The following IGSF11 variants were observed in gnomAD, a reference collection of about 807,000 sequenced individuals.
IGSF11 encodes the protein immunoglobulin superfamily member 11, also known as CXADR like 1.
IGSF11 carries 22 observed loss-of-function variants against 41.0 expected under a neutral mutation model. That is an observed-to-expected ratio of 0.54 (90% CI 0.38 to 0.77). The LOEUF is 0.77. Among genes scored for constraint, IGSF11 ranks in the 30% least tolerant of loss-of-function variants. The pLI, the probability that IGSF11 is intolerant of heterozygous loss-of-function variation, is 0.00. For synonymous variants in IGSF11, 219 were observed against 201.3 expected, an observed-to-expected ratio of 1.09 and a Z score of -0.74; for missense variants, 444 against 530.8, an observed-to-expected ratio of 0.84 and a Z score of 1.61.
chr3:119,131,771 G>C (rs1287695690), intron 1 of IGSF11, among the ~76,000 whole-genome samples: 2 of 152,170 alleles, frequency 1.3e-5, no homozygotes, highest in Non-Finnish European at 2.9e-5. Context: ...AGGTTGAAAT[G>C]AAGGGAAAAA....
chr3:119,104,546 T>C (rs1167060370), intron 1 of IGSF11, among the ~76,000 whole-genome samples: 3 of 152,202 alleles, frequency 2.0e-5, no homozygotes, highest in South Asian at 2.1e-4. Context: ...AATTTCTATG[T>C]ATTAACTCAT....
At chr3:118,981,679 C>T (rs953762629) in intron 1 of IGSF11, 1 of 152,430 alleles carries the variant, frequency 6.6e-6, no homozygotes, top group Non-Finnish European at 1.5e-5. Context: ...ACACCCCATA[C>T]ATACTGTGCA....
chr3:118,932,433 A>G (rs1559918727), intron 1 of IGSF11, among the ~76,000 whole-genome samples: 1 of 152,238 alleles, frequency 6.6e-6, no homozygotes, highest in African/African-American at 2.4e-5. Context: ...CATGTTCTTC[A>G]CGTATAGTCT....
chr3:118,986,574 A>C (rs1347516846), intron 1 of IGSF11, among the ~76,000 whole-genome samples: 3 of 152,234 alleles, frequency 2.0e-5, no homozygotes, highest in African/African-American at 7.2e-5. Flanking sequence ...TCAGCAGTGC[A>C]TGGTGCCAAG....
At chr3:118,936,387 G>T (rs1349537844) in intron 1 of IGSF11, among the ~76,000 whole-genome samples, 2 of 151,476 alleles carry the variant, frequency 1.3e-5, no homozygotes, top group African/African-American at 4.8e-5. Context: ...GGTGCCTGTA[G>T]TCCCAGCTAC....
intron 1 of IGSF11, among the ~76,000 whole-genome samples, chr3:119,143,504 A>G (rs946763533): frequency 6.6e-6 from 1 of 152,170 alleles, no homozygotes; most frequent in Admixed American, 6.5e-5. Flanking sequence ...AGGAATCAAC[A>G]TGATACACTA....
At chr3:119,005,118 C>G (rs547670103) in intron 1 of IGSF11, among the ~76,000 whole-genome samples, 1 of 148,094 alleles carries the variant, frequency 6.8e-6, no homozygotes. Flanking sequence ...GTAGGTCACT[C>G]AGGACTTGCT....
intron 1 of IGSF11, among the ~76,000 whole-genome samples, chr3:118,935,432 G>GTC (rs1042562433): frequency 2.1e-5 from 3 of 141,908 alleles, no homozygotes; most frequent in Non-Finnish European, 4.6e-5. Context: ...ATACATATAC[G>GTC]TATGTATATG....
intron 1 of IGSF11, among the ~76,000 whole-genome samples, chr3:118,933,732 G>A (rs1349109141): frequency 6.6e-6 from 1 of 152,218 alleles, no homozygotes; most frequent in Non-Finnish European, 1.5e-5. Flanking sequence ...TGTGTTTGCT[G>A]TTATTATTAT....
chr3:119,126,344 C>A (rs1009444656), intron 1 of IGSF11, among the ~76,000 whole-genome samples: 14 of 152,216 alleles, frequency 9.2e-5, no homozygotes, highest in Admixed American at 8.5e-4. Context: ...GTAACTCCAG[C>A]CAGAGGCTCA....
chr3:118,985,389 AAAGAC>A (rs1935151025), intron 1 of IGSF11, among the ~76,000 whole-genome samples: 1 of 152,176 alleles, frequency 6.6e-6, no homozygotes, highest in Non-Finnish European at 1.5e-5. Flanking sequence ...GTCACAATGC[AAAGAC>A]AAGGGGATCA....
At chr3:118,951,147 A>T (rs1159457215) in intron 1 of IGSF11, among the ~76,000 whole-genome samples, 1 of 152,232 alleles carries the variant, frequency 6.6e-6, no homozygotes, top group Non-Finnish European at 1.5e-5. Context: ...AATGTGACTG[A>T]GGAACTGAAT....
intron 4 of IGSF11, among the ~76,000 whole-genome samples, chr3:118,906,018 T>C (rs1026846896): frequency 4.6e-5 from 7 of 152,202 alleles, no homozygotes; most frequent in Admixed American, 2.0e-4. Context: ...TGGTAGCTAA[T>C]ACTTATCCTA....
chr3:119,011,879 A>T (rs577531184), intron 1 of IGSF11, among the ~76,000 whole-genome samples: 38 of 152,334 alleles, frequency 2.5e-4, no homozygotes, highest in African/African-American at 9.1e-4. Context: ...AATCCTCTAA[A>T]AAAAGGCTAA....
chr3:118,923,139 C>A (rs977436257), intron 4 of IGSF11, among the ~76,000 whole-genome samples: 2 of 152,114 alleles, frequency 1.3e-5, no homozygotes, highest in African/African-American at 4.8e-5. Flanking sequence ...CTTTTCTGAG[C>A]CTTGGGGAAC....
intron 1 of IGSF11, among the ~76,000 whole-genome samples, chr3:118,980,192 GA>G (rs1299530959): frequency 6.6e-6 from 1 of 152,144 alleles, no homozygotes; most frequent in African/African-American, 2.4e-5. Flanking sequence ...CAAAGGAAAA[GA>G]AATCAGTCTT....
intron 1 of IGSF11, among the ~76,000 whole-genome samples, chr3:118,949,849 G>A (rs776121426): frequency 1.2e-4 from 19 of 152,296 alleles, no homozygotes; most frequent in Admixed American, 3.3e-4. Flanking sequence ...GCTGTTCCAG[G>A]TAGATCAAAA....
intron 4 of IGSF11, among the ~76,000 whole-genome samples, chr3:118,914,922 C>T (rs1452064917): frequency 1.4e-5 from 2 of 139,544 alleles, no homozygotes; most frequent in Non-Finnish European, 3.1e-5. Context: ...AACGGGCAGA[C>T]TGCCTCCTCA....
intron 1 of IGSF11, among the ~76,000 whole-genome samples, chr3:119,042,788 T>C (rs1941170448): frequency 6.6e-6 from 1 of 152,124 alleles, no homozygotes. Flanking sequence ...AGGGCAAGAT[T>C]ATATACCCCT....
Sources: allele counts gnomAD v4.1 joint callset (sites outside exome capture counted in the v4.1 genomes callset), GRCh38; gene constraint gnomAD v4.1.1; transcripts MANE v1.5; gene names NCBI Gene and HGNC (gene_info 2026-07-23, HGNC 2026-07-21).